The following PCBP3 variants were observed in gnomAD, a reference collection of about 807,000 sequenced individuals.
PCBP3 encodes poly(rC) binding protein 3, also known as poly(rC)-binding protein 3.
Under a neutral mutation model 52.7 loss-of-function variants are expected in PCBP3, and 25 were observed. The ratio of observed to expected loss-of-function variants is 0.47; its 90% CI spans 0.35 to 0.66. The LOEUF is 0.66. PCBP3 is among the 30% of genes least tolerant of loss of function. PCBP3 has a pLI of 0.01. For missense variants in PCBP3, 391 were observed against 490.3 expected (o/e 0.80, Z 1.91); for synonymous variants, 162 against 183.0 (o/e 0.89, Z 0.93).
chr21:45,672,788 C>T, intron 2 of PCBP3, among the ~76,000 whole-genome samples: 1 of 152,132 alleles, frequency 6.6e-6, no homozygotes, highest in Non-Finnish European at 1.5e-5. Context: ...AGTCGCATAT[C>T]TTACTCTTGG....
At chr21:45,939,330 C>T (rs1045579975) in intron 16 of PCBP3, among the ~76,000 whole-genome samples, 4 of 152,194 alleles carry the variant, frequency 2.6e-5, no homozygotes, top group Non-Finnish European at 4.4e-5. Flanking sequence ...GAGTTGTCCC[C>T]GACGCCCCTC....
intron 9 of PCBP3, among the ~76,000 whole-genome samples, chr21:45,909,041 C>T (rs1489455044): frequency 1.3e-5 from 2 of 152,124 alleles, no homozygotes; most frequent in Non-Finnish European, 2.9e-5. Context: ...CCAGCACCCA[C>T]ACTTCCTGTA....
intron 2 of PCBP3, among the ~76,000 whole-genome samples, chr21:45,733,331 G>A (rs1293192669): frequency 6.6e-6 from 1 of 152,162 alleles, no homozygotes; most frequent in East Asian, 1.9e-4. Flanking sequence ...CTGTCGCCCA[G>A]GCTGGAGTGC....
chr21:45,671,037 C>T (rs931227711), intron 2 of PCBP3, among the ~76,000 whole-genome samples: 1 of 152,094 alleles, frequency 6.6e-6, no homozygotes, highest in Non-Finnish European at 1.5e-5. Flanking sequence ...CCAAAAGTGA[C>T]GAGGACCATG....
intron 2 of PCBP3, among the ~76,000 whole-genome samples, chr21:45,685,732 A>T (rs1157907149): frequency 6.6e-6 from 1 of 152,138 alleles, no homozygotes; most frequent in Admixed American, 6.5e-5. Flanking sequence ...AGTTAGTTGG[A>T]GATTGTGAAG....
chr21:45,761,584 C>T (rs2146587880), intron 4 of PCBP3: 1 of 152,408 alleles, frequency 6.6e-6, no homozygotes, highest in South Asian at 2.1e-4. Context: ...ATGACCGTCC[C>T]TCCTTCCAGT....
chr21:45,701,440 T>G (rs1297701142), intron 2 of PCBP3, among the ~76,000 whole-genome samples: 1 of 152,266 alleles, frequency 6.6e-6, no homozygotes, highest in Non-Finnish European at 1.5e-5. Flanking sequence ...TTGGGTTCTA[T>G]CTATTGATAG....
intron 2 of PCBP3, among the ~76,000 whole-genome samples, chr21:45,689,389 A>G (rs2082333915): frequency 6.6e-6 from 1 of 151,494 alleles, no homozygotes; most frequent in African/African-American, 2.4e-5. Flanking sequence ...TTCAACACAC[A>G]TTGATGATAA....
At chr21:45,933,803 A>G (rs553802481) in intron 15 of PCBP3, among the ~76,000 whole-genome samples, 5 of 152,120 alleles carry the variant, frequency 3.3e-5, no homozygotes, top group Non-Finnish European at 5.9e-5. Flanking sequence ...CTGGCTGGCC[A>G]CAGTGAGAGG....
At chr21:45,771,255 G>C (rs1420463811) in intron 4 of PCBP3, among the ~76,000 whole-genome samples, 3 of 152,206 alleles carry the variant, frequency 2.0e-5, no homozygotes. Flanking sequence ...TTTGAGACTA[G>C]ACAGTGGGCT....
In PCBP3 at chr21:45,837,810, G is replaced by T. The variant is rs993184995; in HGVS notation, c.-125-12151G>T. ...CACTGGTGCTGAGACTGAGGATTGA[G>T]CTTAGGGGGTCAGCCTGATCCGCCA... On this transcript the variant is annotated intron_variant, in intron 4 of 17. Transcript: ENST00000681687. This position sits in a 1 kb window ranked among gnomAD's most constrained non-coding sequence, Gnocchi z 4.1. 2.4e-4 allele frequency among the ~76,000 whole-genome samples: 36 copies of T among 152,330 alleles called. No homozygotes were observed. The highest frequency in any genetic ancestry group is 3.8e-4 in the Non-Finnish European group (26 of 68,020).
Position 45,796,350 on chromosome 21 carries a change from T to A in PCBP3, c.-126+40898T>A, listed in dbSNP as rs543399741. ...TGCACTTAGTTTTAACTGTTTTTAT[T>A]TTCATTTAGGAAGAGCTTTTTACAA... On this transcript the variant is annotated intron_variant, in intron 4 of 17. Transcript: ENST00000681687. Among the ~76,000 whole-genome samples, 4 of 152,350 alleles carry A rather than the reference T, an allele frequency of 2.6e-5. No individual in the cohort carries two copies. The East Asian group carries it at 7.7e-4, about 29-fold the overall frequency.
At chr21:45,823,732 T>A (rs8134681) in intron 4 of PCBP3, among the ~76,000 whole-genome samples, 33,114 of 151,136 alleles carry the variant, frequency 0.22, 3,824 homozygotes, top group African/African-American at 0.25. Context: ...GTTTTTTTTT[T>A]ATTTTTTAAT....
chr21:45,900,719 T>C (rs2075889), intron 8 of PCBP3, 96 bp downstream of exon 8: 347,715 of 998,896 alleles, frequency 0.35, 67,213 homozygotes, highest in East Asian at 0.64. Flanking sequence ...CCTGTGCTCT[T>C]GGCCAGCCGG....
intron 13 of PCBP3, among the ~76,000 whole-genome samples, chr21:45,925,281 G>A (rs1437081979): frequency 1.3e-5 from 2 of 152,186 alleles, no homozygotes; most frequent in Admixed American, 1.3e-4. Context: ...GACTCTCAAC[G>A]CACATGTTAA....
rs780639102 is a variant in PCBP3 at position 45,800,939 on chromosome 21, A to C, written c.-126+45487A>C. Among the ~76,000 whole-genome samples, 3 of 152,054 alleles carry C rather than the reference A, an allele frequency of 2.0e-5. No homozygotes were observed. Among genetic ancestry groups the C allele is most frequent in the African/African-American group, 7.2e-5 (3 of 41,386 alleles). Reference sequence around the variant, plus strand: ...CTCCCAGGAGATGGGGTGCCTGAGCATGGGGTTCCCGCCTCCTCCAGGACT... The same window carrying C: ...CTCCCAGGAGATGGGGTGCCTGAGCCTGGGGTTCCCGCCTCCTCCAGGACT... On this transcript the variant is annotated intron_variant, in intron 4 of 17. Coordinates refer to ENST00000681687, the MANE Select transcript of PCBP3 (RefSeq NM_001384156.1). This position sits in a 1 kb window ranked among gnomAD's most constrained non-coding sequence, Gnocchi z 5.3.
rs138540102 is a variant in PCBP3, at chr21:45,712,233, A to G, written c.-199-23159A>G. On this transcript the variant is annotated intron_variant, in intron 2 of 17. Transcript: ENST00000681687. ...CATTTGTGTGCAGGTTTTTGTGTGG[A>G]TATAAGTTTTCAATTCATTTGGGCA... Among the ~76,000 whole-genome samples the G allele has an allele frequency of 7.5e-3, 1,146 of 152,270 alleles. 19 individuals are homozygous for G. The highest frequency in any genetic ancestry group is 0.021 in the African/African-American group (863 of 41,536).
rs148080243 is a variant in PCBP3 at position 45,793,592 on chromosome 21, G to A, written c.-126+38140G>A. 2.1e-3 allele frequency among the ~76,000 whole-genome samples: 318 copies of A among 152,284 alleles called. 3 individuals carry two copies. Among genetic ancestry groups the A allele is most frequent in the African/African-American group, 7.2e-3 (301 of 41,548 alleles). ...CACAGGACTGACCAGTATTGAGTGG[G>A]CGCGGGGAAAACATGGCTGCCAGGA... On this transcript the variant is annotated intron_variant, in intron 4 of 17. Transcript: ENST00000681687.
chr21:45,894,906 A>C (rs951864427), intron 5 of PCBP3, among the ~76,000 whole-genome samples: 1 of 152,282 alleles, frequency 6.6e-6, no homozygotes, highest in Non-Finnish European at 1.5e-5. Flanking sequence ...AATGTAATAA[A>C]ATTACAAATT....
Sources: allele counts gnomAD v4.1 joint callset (sites outside exome capture counted in the v4.1 genomes callset), GRCh38; gene constraint gnomAD v4.1.1; non-coding constraint Gnocchi (gnomAD v3.1); transcripts MANE v1.5; gene names NCBI Gene and HGNC (gene_info 2026-07-23, HGNC 2026-07-21).